MCF2L2: variants seen among roughly 807,000 people sequenced by gnomAD.
MCF2L2 encodes the protein MCF.2 cell line derived transforming sequence-like 2, also known as probable guanine nucleotide exchange factor MCF2L2.
Under a neutral mutation model 150.2 loss-of-function variants are expected in MCF2L2, and 102 were observed. The ratio of observed to expected loss-of-function variants is 0.68; its 90% CI spans 0.58 to 0.80. The LOEUF (loss-of-function observed/expected upper bound fraction) is 0.80, where lower values mean the gene tolerates loss of function less well. Among genes scored for constraint, MCF2L2 ranks in the 30% least tolerant of loss-of-function variants. MCF2L2 has a pLI of 0.00. For missense variants in MCF2L2, 1,256 were observed against 1,372.8 expected (o/e 0.91, Z 1.34); for synonymous variants, 465 against 491.3 (o/e 0.95, Z 0.71).
At chr3:183,299,719 A>G in intron 11 of MCF2L2, 3 of 353,856 alleles carry the variant, frequency 8.5e-6, no homozygotes, top group East Asian at 7.9e-5. Context: ...GTGTTCCCAC[A>G]GGGCCAAGCC....
intron 15 of MCF2L2, among the ~76,000 whole-genome samples, chr3:183,241,119 G>C (rs1304639021): frequency 6.6e-6 from 1 of 152,194 alleles, no homozygotes; most frequent in African/African-American, 2.4e-5. Flanking sequence ...GCAGAGGAGG[G>C]GCAACTAATT....
chr3:183,312,409 G>A (rs1206828404), intron 7 of MCF2L2, among the ~76,000 whole-genome samples: 1 of 152,196 alleles, frequency 6.6e-6, no homozygotes, highest in Admixed American at 6.5e-5. Flanking sequence ...GCCAACAGCT[G>A]TAGTCCTTTC....
At chr3:183,264,405 G>A (rs1401300621) in intron 15 of MCF2L2, among the ~76,000 whole-genome samples, 3 of 152,184 alleles carry the variant, frequency 2.0e-5, no homozygotes, top group Non-Finnish European at 4.4e-5. Context: ...TACCTTACCA[G>A]GATTTGCCCA....
At chr3:183,299,854 A>T (rs116038095) in intron 11 of MCF2L2, 151 bp downstream of exon 11, 9,011 of 783,348 alleles carry the variant, frequency 0.012, 68 homozygotes, top group Non-Finnish European at 0.016. Context: ...ACACCCCAGG[A>T]TCTGCACAGT....
chr3:183,326,615 G>A (rs1423731329), intron 5 of MCF2L2, among the ~76,000 whole-genome samples: 3 of 151,602 alleles, frequency 2.0e-5, no homozygotes, highest in Non-Finnish European at 2.9e-5. Flanking sequence ...TACAAAGGCA[G>A]TACAGAGAGG....
rs531249939 is a variant in MCF2L2, at chr3:183,192,871, T to C, written c.3016+128A>G. The C allele has an allele frequency of 7.2e-4, 474 of 654,388 alleles. 5 individuals carry two copies. The South Asian group carries it at 9.5e-3, about 13-fold the overall frequency. 40.5% of individuals were successfully genotyped at this position (654,388 alleles called of 1,614,324 possible). ...GATTTTAAACCACATGGTGGTAAAA[T>C]GCTTTCTTTTTTCTCCCTCATTTAA... On this transcript the variant is annotated intron_variant, in intron 27 of 29. Coordinates refer to ENST00000328913, the MANE Select transcript of MCF2L2 (RefSeq NM_015078.4).
At chr3:183,358,562 A>G (rs1301012837) in intron 3 of MCF2L2, among the ~76,000 whole-genome samples, 1 of 152,222 alleles carries the variant, frequency 6.6e-6, no homozygotes, top group Non-Finnish European at 1.5e-5. Flanking sequence ...GGAAAAATCT[A>G]TCACAATGAA....
chr3:183,279,544 C>A (rs1727357695), intron 14 of MCF2L2, among the ~76,000 whole-genome samples: 2 of 152,174 alleles, frequency 1.3e-5, no homozygotes, highest in Admixed American at 1.3e-4. Context: ...CCCTGAATTG[C>A]CCCTAGGGTA....
At chr3:183,216,994 GA>G (rs200358888) in intron 21 of MCF2L2, among the ~76,000 whole-genome samples, 4 of 146,586 alleles carry the variant, frequency 2.7e-5, no homozygotes, top group East Asian at 2.0e-4. Context: ...GGGGCTTACT[GA>G]AAAAAAAAAT....
At chr3:183,303,539 T>C (rs1728957288) in intron 10 of MCF2L2, among the ~76,000 whole-genome samples, 1 of 152,258 alleles carries the variant, frequency 6.6e-6, no homozygotes, top group African/African-American at 2.4e-5. Flanking sequence ...CTTGCACTGG[T>C]TTATGGTTTC....
chr3:183,400,479 C>A (rs1714693199), intron 1 of MCF2L2: 1 of 456,498 alleles, frequency 2.2e-6, no homozygotes. Context: ...ACACTTCATG[C>A]ACCAGACCAC....
At chr3:183,209,870 G>A (rs549452989) in intron 22 of MCF2L2, among the ~76,000 whole-genome samples, 2 of 151,528 alleles carry the variant, frequency 1.3e-5, no homozygotes, top group African/African-American at 4.8e-5. Context: ...AATGAATTTC[G>A]TGTTTACACT....
intron 22 of MCF2L2, among the ~76,000 whole-genome samples, chr3:183,212,795 G>C (rs1237970231): frequency 1.3e-5 from 2 of 152,034 alleles, no homozygotes; most frequent in Non-Finnish European, 2.9e-5. Context: ...GGGGCAAAGA[G>C]GTATCTTCCT....
At chr3:183,202,802 A>C (rs549144744) in intron 25 of MCF2L2, among the ~76,000 whole-genome samples, 3 of 152,376 alleles carry the variant, frequency 2.0e-5, no homozygotes, top group Non-Finnish European at 4.4e-5. Flanking sequence ...CAATTTCCAG[A>C]GTTGCTACAT....
At position 183,427,921 on chromosome 3, in the gene MCF2L2, G is replaced by A. The variant is rs747821561; in HGVS notation, c.57C>T (p.Ala19=). The change falls in exon 1 of 30, where the codon GCC becomes GCT. Residue 19 remains alanine (A), a synonymous_variant. Transcript: ENST00000328913. ...GTTTACCGACATGAGTGATCACTGT[G>A]GCCAGTCGCCGGGTGAGCTCCTGGG... ...MPPQELTRRL[A]TVITHVDEIM... is the part of the protein sequence containing the mutation. The A allele has an allele frequency of 6.2e-7, 1 of 1,614,016 alleles. No homozygotes were observed. The highest frequency in any genetic ancestry group is 8.5e-7 in the Non-Finnish European group (1 of 1,179,878).
intron 1 of MCF2L2, among the ~76,000 whole-genome samples, chr3:183,397,091 G>A (rs1714506089): frequency 6.6e-6 from 1 of 152,018 alleles, no homozygotes; most frequent in African/African-American, 2.4e-5. Flanking sequence ...TAATATAATA[G>A]GCATAGACTG....
chr3:183,297,506 A>G (rs7643156), intron 11 of MCF2L2: 180,642 of 242,618 alleles, frequency 0.74, 68,514 homozygotes, highest in African/African-American at 0.92. Context: ...AGGCTGGAGT[A>G]CAGTAGTGCA....
At chr3:183,288,650 T>G (rs1727934263) in intron 14 of MCF2L2, among the ~76,000 whole-genome samples, 1 of 151,990 alleles carries the variant, frequency 6.6e-6, no homozygotes, top group Admixed American at 6.5e-5. Flanking sequence ...CCCATCTAAT[T>G]TTTGTATTTT....
At chr3:183,402,883 C>T (rs75244167) in intron 1 of MCF2L2, among the ~76,000 whole-genome samples, 6 of 150,194 alleles carry the variant, frequency 4.0e-5, no homozygotes, top group African/African-American at 7.4e-5. Flanking sequence ...TATATATATA[C>T]GAAATTTAAA....
Sources: gnomAD v4.1 joint callset for allele counts (sites outside exome capture counted in the v4.1 genomes callset) on GRCh38, gnomAD v4.1.1 for gene constraint, MANE v1.5 for transcripts, NCBI Gene and HGNC (gene_info 2026-07-23, HGNC 2026-07-21) for gene names.